NR2F1-AS1: variants seen among roughly 807,000 people sequenced by gnomAD.
The protein encoded by NR2F1-AS1 is NR2F1 antisense RNA 1.
At chr5:93,585,109 C>T, upstream of NR2F1-AS1, 2 of 989,098 alleles carry the variant, frequency 2.0e-6, no homozygotes, top group Non-Finnish European at 2.4e-6. Context: ...GCAGCGCAGG[C>T]GGCCCGCGGC....
At chr5:93,574,540 G>A (rs1752850303) in intron 1 of NR2F1-AS1, among the ~76,000 whole-genome samples, 1 of 152,128 alleles carries the variant, frequency 6.6e-6, no homozygotes, top group Non-Finnish European at 1.5e-5. Context: ...AGCCCTGGGG[G>A]AGTGGGGGAC....
chr5:93,434,564 C>T (rs944436360), intron 4 of NR2F1-AS1, among the ~76,000 whole-genome samples: 1 of 151,930 alleles, frequency 6.6e-6, no homozygotes, highest in Non-Finnish European at 1.5e-5. Context: ...GTGTGACTTT[C>T]CCAAGAAAAA....
upstream of NR2F1-AS1, chr5:93,584,961 C>G (rs1393306166): frequency 2.8e-6 from 2 of 714,900 alleles, no homozygotes; most frequent in Non-Finnish European, 3.4e-6. Flanking sequence ...CCAGCGCGCC[C>G]GCGCGCCCCG....
At chr5:93,511,698 G>A (rs1032218697) in intron 4 of NR2F1-AS1, among the ~76,000 whole-genome samples, 3 of 152,156 alleles carry the variant, frequency 2.0e-5, no homozygotes, top group Non-Finnish European at 4.4e-5. Flanking sequence ...AAAGCAGGAG[G>A]TTAGCAGCTG....
intron 1 of NR2F1-AS1, among the ~76,000 whole-genome samples, chr5:93,576,606 C>G (rs546633418): frequency 6.6e-6 from 1 of 152,016 alleles, no homozygotes; most frequent in Non-Finnish European, 1.5e-5. Flanking sequence ...ACCAGCAGAC[C>G]TGCTGGCTTT....
At chr5:93,578,524 G>A (rs1366236192) in intron 1 of NR2F1-AS1, among the ~76,000 whole-genome samples, 4 of 152,086 alleles carry the variant, frequency 2.6e-5, no homozygotes, top group East Asian at 1.9e-4. Flanking sequence ...TCCCAGACCC[G>A]CCAAACCGAA....
intron 4 of NR2F1-AS1, among the ~76,000 whole-genome samples, chr5:93,545,066 G>A (rs1016112755): frequency 2.6e-5 from 4 of 152,116 alleles, no homozygotes; most frequent in African/African-American, 7.2e-5. Flanking sequence ...GAGATGGATT[G>A]GATATTAAAG....
chr5:93,477,724 T>C (rs1750514915), intron 4 of NR2F1-AS1, among the ~76,000 whole-genome samples: 1 of 152,152 alleles, frequency 6.6e-6, no homozygotes, highest in Non-Finnish European at 1.5e-5. Flanking sequence ...ATACAATCTC[T>C]CATTGAAAGC....
intron 4 of NR2F1-AS1, among the ~76,000 whole-genome samples, chr5:93,414,219 T>TG (rs1223791729): frequency 6.6e-6 from 1 of 152,202 alleles, no homozygotes; most frequent in East Asian, 1.9e-4. Flanking sequence ...TGGACAAGTC[T>TG]GTGGTGAAAA....
At chr5:93,487,824 T>C (rs1230105014) in intron 4 of NR2F1-AS1, among the ~76,000 whole-genome samples, 1 of 152,122 alleles carries the variant, frequency 6.6e-6, no homozygotes, top group African/African-American at 2.4e-5. Flanking sequence ...GGAAGCATCA[T>C]GCTCCCTGAC....
chr5:93,540,586 AATAG>A (rs1751929741), intron 4 of NR2F1-AS1, among the ~76,000 whole-genome samples: 4 of 152,210 alleles, frequency 2.6e-5, no homozygotes, highest in South Asian at 2.1e-4. Context: ...CTATAATGCA[AATAG>A]ATAGAGGTAG....
Position 93,498,170 on chromosome 5 carries a change from A to G in NR2F1-AS1, n.638+55591T>C, listed in dbSNP as rs1016614736. The stretch of plus-strand genomic sequence containing the variant: ...GAGACTCAGTCCCTACAAAAGAAAT[A>G]ATAAATAAATAAATAAATTTTAAAA... On this transcript the variant is annotated intron_variant and non_coding_transcript_variant, in intron 4 of 5. Coordinates refer to ENST00000660523, the Ensembl canonical transcript of NR2F1-AS1. Among the ~76,000 whole-genome samples, 4 of 151,946 alleles carry G rather than the reference A, an allele frequency of 2.6e-5. No individual in the cohort carries two copies. In the East Asian group the frequency reaches 7.7e-4, roughly 29 times the overall value.
chr5:93,480,121 C>T (rs1375073184), intron 4 of NR2F1-AS1, among the ~76,000 whole-genome samples: 3 of 152,022 alleles, frequency 2.0e-5, no homozygotes, highest in African/African-American at 7.2e-5. Flanking sequence ...TATCCAAAAA[C>T]TTCCAAAATT....
rs188757667 is a variant in NR2F1-AS1, at chr5:93,491,206, C to T, written n.638+62555G>A. On this transcript the variant is annotated intron_variant and non_coding_transcript_variant, in intron 4 of 5. Transcript: ENST00000660523. Reference sequence around the variant, plus strand: ...TGGTGGCAGTGGTGGTGGTTGTTCCCGGTAATGGTGGTATTGATGGAGGTT... The same window carrying T: ...TGGTGGCAGTGGTGGTGGTTGTTCCTGGTAATGGTGGTATTGATGGAGGTT... Among the ~76,000 whole-genome samples the T allele has an allele frequency of 4.4e-3, 599 of 134,880 alleles. 1 individual carries two copies. The highest frequency in any genetic ancestry group is 0.011 in the Middle Eastern group (2 of 182). 88.5% of individuals were successfully genotyped at this position (134,880 alleles called of 152,430 possible).
intron 4 of NR2F1-AS1, among the ~76,000 whole-genome samples, chr5:93,413,819 T>C (rs1269578498): frequency 6.6e-6 from 1 of 152,240 alleles, no homozygotes; most frequent in East Asian, 1.9e-4. Flanking sequence ...TCTGGGTCAG[T>C]GTTATTTATG....
At chr5:93,460,093 A>G (rs1323444580) in intron 4 of NR2F1-AS1, among the ~76,000 whole-genome samples, 1 of 152,150 alleles carries the variant, frequency 6.6e-6, no homozygotes, top group Non-Finnish European at 1.5e-5. Context: ...GATTTTGGCA[A>G]ACATCTTTAA....
chr5:93,435,610 G>C (rs1749417141), intron 4 of NR2F1-AS1, among the ~76,000 whole-genome samples: 1 of 152,194 alleles, frequency 6.6e-6, no homozygotes, highest in Non-Finnish European at 1.5e-5. Context: ...TGCTCCTGCA[G>C]TAGGGCTTGG....
intron 4 of NR2F1-AS1, among the ~76,000 whole-genome samples, chr5:93,533,133 T>G (rs1002154664): frequency 1.3e-5 from 2 of 152,256 alleles, no homozygotes; most frequent in African/African-American, 2.4e-5. Context: ...TCCAGCATGT[T>G]TGAACTAATC....
At chr5:93,565,297 C>T (rs1752593064) in intron 1 of NR2F1-AS1, among the ~76,000 whole-genome samples, 1 of 152,088 alleles carries the variant, frequency 6.6e-6, no homozygotes, top group African/African-American at 2.4e-5. Flanking sequence ...GAGGCCTACC[C>T]CCAACTTCAC....
Sources: gnomAD v4.1 joint callset for allele counts (sites outside exome capture counted in the v4.1 genomes callset) on GRCh38, gnomAD v4.1.1 for gene constraint, MANE v1.5 for transcripts, NCBI Gene and HGNC (gene_info 2026-07-23, HGNC 2026-07-21) for gene names.